ZSCAN5A: variants seen among roughly 807,000 people sequenced by gnomAD.
ZSCAN5A encodes zinc finger and SCAN domain containing 5A.
Under a neutral mutation model 23.7 loss-of-function variants are expected in ZSCAN5A, and 12 were observed. The observed-to-expected ratio is 0.51, with a 90% confidence interval of 0.32 to 0.82. ZSCAN5A has a LOEUF of 0.82. ZSCAN5A is among the 40% of genes least tolerant of loss of function. The pLI is 0.03. For missense variants in ZSCAN5A, 597 were observed against 617.9 expected (o/e 0.97, Z 0.36); for synonymous variants, 257 against 239.9 (o/e 1.07, Z -0.66).
chr19:56,248,738 C>G (rs999902067), intron 2 of ZSCAN5A, among the ~76,000 whole-genome samples: 7 of 151,812 alleles, frequency 4.6e-5, no homozygotes, highest in African/African-American at 1.7e-4. Flanking sequence ...TGGCTAATGA[C>G]TTTTTCAGAG....
intron 2 of ZSCAN5A, chr19:56,246,325 T>C: frequency 2.4e-6 from 1 of 419,268 alleles, no homozygotes; most frequent in Non-Finnish European, 4.3e-6. Flanking sequence ...GGAAGAGGAC[T>C]TCCTGCTGCC....
At chr19:56,283,951 T>C (rs903380911) in intron 2 of ZSCAN5A, 1 of 152,434 alleles carries the variant, frequency 6.6e-6, no homozygotes, top group African/African-American at 2.4e-5. Flanking sequence ...TTGGACGCTC[T>C]TCCCTGCATC....
chr19:56,287,523 C>T (rs1275999773), intron 2 of ZSCAN5A, among the ~76,000 whole-genome samples: 3 of 152,150 alleles, frequency 2.0e-5, no homozygotes, highest in African/African-American at 7.2e-5. Flanking sequence ...TAAATATCAG[C>T]CCTCTGTGCA....
At chr19:56,350,615 T>TATTA (rs1259451966) in intron 2 of ZSCAN5A, among the ~76,000 whole-genome samples, 3 of 152,152 alleles carry the variant, frequency 2.0e-5, no homozygotes, top group Non-Finnish European at 4.4e-5. Flanking sequence ...GTTACCGCTA[T>TATTA]ATTAACGTTT....
At chr19:56,332,351 T>C (rs1475454899) in intron 2 of ZSCAN5A, among the ~76,000 whole-genome samples, 2 of 152,192 alleles carry the variant, frequency 1.3e-5, no homozygotes, top group Non-Finnish European at 2.9e-5. Context: ...TAATGTGGGG[T>C]ACGTATGTAT....
At chr19:56,327,309 G>A (rs898634509) in intron 2 of ZSCAN5A, among the ~76,000 whole-genome samples, 1 of 151,904 alleles carries the variant, frequency 6.6e-6, no homozygotes, top group African/African-American at 2.4e-5. Context: ...TAGAAATGGG[G>A]TCTTGCTATA....
chr19:56,353,489 G>C (rs2041680390), intron 2 of ZSCAN5A, among the ~76,000 whole-genome samples: 1 of 152,090 alleles, frequency 6.6e-6, no homozygotes. Context: ...TGATATTGAG[G>C]CCGGGCGCGG....
intron 2 of ZSCAN5A, among the ~76,000 whole-genome samples, chr19:56,277,532 T>C (rs13339749): frequency 0.12 from 16,156 of 133,690 alleles, 1,829 homozygotes; most frequent in African/African-American, 0.32. Context: ...TTCCAGGGGG[T>C]GAGGGGTGGG....
At chr19:56,271,292 C>T (rs982523348) in intron 2 of ZSCAN5A, among the ~76,000 whole-genome samples, 13 of 152,218 alleles carry the variant, frequency 8.5e-5, no homozygotes, top group Admixed American at 8.5e-4. Context: ...TTTCCCACTA[C>T]CCTGCCTGCC....
At chr19:56,346,913 G>A (rs989617255) in intron 2 of ZSCAN5A, among the ~76,000 whole-genome samples, 1 of 152,114 alleles carries the variant, frequency 6.6e-6, no homozygotes, top group South Asian at 2.1e-4. Context: ...ATTTTTAGTA[G>A]AGATGGGGTT....
chr19:56,302,060 A>C (rs139969841), intron 2 of ZSCAN5A: 263 of 1,231,836 alleles, frequency 2.1e-4, no homozygotes, highest in Non-Finnish European at 2.5e-4. Flanking sequence ...CATGGTGATG[A>C]CCTACCTCTT....
intron 2 of ZSCAN5A, among the ~76,000 whole-genome samples, chr19:56,254,495 T>C (rs1331843253): frequency 6.6e-6 from 1 of 152,238 alleles, no homozygotes; most frequent in African/African-American, 2.4e-5. Context: ...ATTTTGTTTA[T>C]CTATTCCTTC....
At chr19:56,296,552 T>C (rs2039889293) in intron 2 of ZSCAN5A, 1 of 152,080 alleles carries the variant, frequency 6.6e-6, no homozygotes, top group Admixed American at 6.6e-5. Context: ...TTAGCTCTCC[T>C]GTACCAAATG....
At chr19:56,283,495 T>C (rs184929357) in intron 2 of ZSCAN5A, 1 of 152,266 alleles carries the variant, frequency 6.6e-6, no homozygotes, top group East Asian at 1.9e-4. Context: ...CCCACATCAA[T>C]ATTCCCAACA....
In ZSCAN5A at chr19:56,223,651, G is replaced by A; in HGVS notation, c.568C>T (p.Pro190Ser). 1 of 1,613,650 alleles carries A rather than the reference G, an allele frequency of 6.2e-7. No homozygotes were observed. Among genetic ancestry groups the A allele is most frequent in the Non-Finnish European group, 8.5e-7 (1 of 1,179,972 alleles). Reference protein sequence around the residue: ...HRELQILPRVPALSRRQGEDF... With the variant: ...HRELQILPRVSALSRRQGEDF... The stretch of plus-strand genomic sequence containing the variant: ...CTCACCTGCCTCCTGGACAATGCAG[G>A]GACCCTGGGCAGGATCTGCAGCTCT... Residue 190 changes from proline to serine, a missense_variant, in exon 4 of 6, where the codon CCT becomes TCT. Coordinates refer to ENST00000683990, the MANE Select transcript of ZSCAN5A (RefSeq NM_001322064.3).
intron 2 of ZSCAN5A, among the ~76,000 whole-genome samples, chr19:56,350,559 C>CT (rs2041661162): frequency 6.6e-6 from 1 of 152,210 alleles, no homozygotes; most frequent in African/African-American, 2.4e-5. Flanking sequence ...AAGTTATTCT[C>CT]TAACGGCAGA....
chr19:56,297,214 G>T (rs1380589788), intron 2 of ZSCAN5A, among the ~76,000 whole-genome samples: 1 of 152,132 alleles, frequency 6.6e-6, no homozygotes, highest in Non-Finnish European at 1.5e-5. Flanking sequence ...TGAGGCAGCT[G>T]AGTCCCTGGG....
chr19:56,319,477 C>T (rs1449894662), upstream of ZSCAN5A, among the ~76,000 whole-genome samples: 1 of 118,898 alleles, frequency 8.4e-6, no homozygotes, highest in Non-Finnish European at 1.6e-5. Context: ...GCCTGGGCGA[C>T]AGACCAAGGC....
chr19:56,275,798 G>C (rs2038202439), intron 2 of ZSCAN5A, among the ~76,000 whole-genome samples: 1 of 152,272 alleles, frequency 6.6e-6, no homozygotes, highest in South Asian at 2.1e-4. Flanking sequence ...ACAGAGCAGG[G>C]GCTGAATCTG....
Sources: allele counts gnomAD v4.1 joint callset (sites outside exome capture counted in the v4.1 genomes callset), GRCh38; gene constraint gnomAD v4.1.1; transcripts MANE v1.5; gene names NCBI Gene and HGNC (gene_info 2026-07-23, HGNC 2026-07-21).